The following ZDHHC18 variants were observed in gnomAD, a reference collection of about 807,000 sequenced individuals.
The protein encoded by ZDHHC18 is zDHHC palmitoyltransferase 18, also known as palmitoyltransferase ZDHHC18.
In ZDHHC18, 23 loss-of-function variants were observed where a neutral mutation model predicts 37.5. The ratio of observed to expected loss-of-function variants is 0.61; its 90% confidence interval spans 0.44 to 0.87. The LOEUF (loss-of-function observed/expected upper bound fraction) is 0.87, where lower values mean the gene tolerates loss of function less well. Ranked by LOEUF, ZDHHC18 falls within the 40% of genes least tolerant of loss-of-function variation. The pLI is 0.00. For synonymous variants in ZDHHC18, 185 were observed against 218.7 expected (o/e 0.85, Z 1.36); for missense variants, 406 against 525.6 (o/e 0.77, Z 2.22).
chr1:26,851,001 C>A, intron 5 of ZDHHC18, 128 bp from the exon 6 acceptor site: 1 of 861,052 alleles, frequency 1.2e-6, no homozygotes, highest in Non-Finnish European at 1.9e-6. Flanking sequence ...GGGGACTGGG[C>A]CACAGGAAGG....
At position 26,826,905 on chromosome 1, in the gene ZDHHC18, G is replaced by A. The variant is rs1374415677; in HGVS notation, c.101G>A (p.Gly34Asp). 8 of 986,472 alleles carry A rather than the reference G, an allele frequency of 8.1e-6. No homozygotes were observed. The highest frequency in any genetic ancestry group is 6.3e-5 in the Admixed American group (1 of 15,896). 61.1% of individuals were successfully genotyped at this position (986,472 alleles called of 1,614,324 possible). ...RPGPAASPTP[G>D]PGPAPPAAPA... ...GGCCCCGCCGCGTCCCCGACTCCGGGCCCCGGGCCCGCGCCGCCCGCCGCC... is the reference window on the plus strand; with the variant it reads ...GGCCCCGCCGCGTCCCCGACTCCGGACCCCGGGCCCGCGCCGCCCGCCGCC... Residue 34 changes from glycine (G) to aspartate (D), a missense_variant, in exon 1 of 8, where the codon GGC becomes GAC. Gly to Asp is a moderately conservative substitution (Grantham distance 94). Coordinates refer to ENST00000374142, the MANE Select transcript of ZDHHC18 (RefSeq NM_032283.3). This position sits in a 1 kb window ranked among gnomAD's most constrained non-coding sequence, Gnocchi z 5.2.
At chr1:26,839,380 ATT>A (rs1319182127) in intron 2 of ZDHHC18, among the ~76,000 whole-genome samples, 1 of 152,112 alleles carries the variant, frequency 6.6e-6, no homozygotes, top group East Asian at 1.9e-4. Context: ...TACAACAAAT[ATT>A]TTTTGAACAT....
intron 1 of ZDHHC18, among the ~76,000 whole-genome samples, 198 bp downstream of exon 1, chr1:26,827,337 C>T (rs1557638600): frequency 6.6e-6 from 1 of 150,780 alleles, no homozygotes; most frequent in Non-Finnish European, 1.5e-5. Flanking sequence ...CCCCATCCTC[C>T]TTGGTCCATT....
At chr1:26,831,537 T>C (rs2081588834) in intron 1 of ZDHHC18, among the ~76,000 whole-genome samples, 1 of 152,126 alleles carries the variant, frequency 6.6e-6, no homozygotes, top group Admixed American at 6.5e-5. Context: ...ACAGAGAGGA[T>C]TGGCCATAGA....
intron 6 of ZDHHC18, among the ~76,000 whole-genome samples, chr1:26,851,886 A>G (rs551771812): frequency 6.6e-6 from 1 of 152,306 alleles, no homozygotes; most frequent in Non-Finnish European, 1.5e-5. Flanking sequence ...ATCAACAAGC[A>G]TGTTTGATGT....
At chr1:26,840,567 G>A (rs950373666) in intron 2 of ZDHHC18, among the ~76,000 whole-genome samples, 2 of 150,126 alleles carry the variant, frequency 1.3e-5, no homozygotes, top group Admixed American at 1.3e-4. Flanking sequence ...TCAGCCTCCC[G>A]AGTAGCTGGG....
At chr1:26,831,020 T>G (rs1036326001) in intron 1 of ZDHHC18, among the ~76,000 whole-genome samples, 1 of 152,136 alleles carries the variant, frequency 6.6e-6, no homozygotes, top group Non-Finnish European at 1.5e-5. Context: ...TGACCTCAGG[T>G]ATCCGCCCAC....
intron 2 of ZDHHC18, among the ~76,000 whole-genome samples, chr1:26,834,591 C>T (rs2081602951): frequency 1.3e-5 from 2 of 152,172 alleles, no homozygotes. Flanking sequence ...TGTGCTGCAA[C>T]GGTGGTCATT....
chr1:26,850,655 C>T lies in ZDHHC18; in HGVS notation c.833+49C>T. 6.2e-7 allele frequency: 1 copy of T among 1,606,796 alleles called. No individual in the cohort carries two copies. Among genetic ancestry groups the T allele is most frequent in the Non-Finnish European group, 8.5e-7 (1 of 1,174,644 alleles). ...ACTCCAGTGGGAACTGAGGTCCCTT[C>T]ACTGGGTGGGTGCCCTGCCTCATCC... On this transcript the variant is annotated intron_variant, in intron 5 of 7. Coordinates refer to ENST00000374142, the MANE Select transcript of ZDHHC18 (RefSeq NM_032283.3). This position sits in a 1 kb window ranked among gnomAD's most constrained non-coding sequence, Gnocchi z 6.1.
intron 2 of ZDHHC18, among the ~76,000 whole-genome samples, chr1:26,845,548 G>C (rs1186449536): frequency 6.6e-6 from 1 of 151,208 alleles, no homozygotes; most frequent in African/African-American, 2.4e-5. Context: ...GGCCAGGCTG[G>C]TATCGAACTC....
intron 2 of ZDHHC18, among the ~76,000 whole-genome samples, chr1:26,847,905 T>C (rs1444904752): frequency 2.0e-5 from 3 of 152,206 alleles, no homozygotes; most frequent in Non-Finnish European, 4.4e-5. Context: ...AGCAGTCTTG[T>C]AAATGTCTCA....
Position 26,850,265 on chromosome 1 carries a change from GC to G in ZDHHC18, c.647-33del, listed in dbSNP as rs35205652. On this transcript the variant is annotated intron_variant, in intron 3 of 7. Transcript: ENST00000374142. This position sits in a 1 kb window ranked among gnomAD's most constrained non-coding sequence, Gnocchi z 6.1. ...AAATGCCTGTGCTGGCTGCAGGCCA[GC>G]CCACACTAACCCATCGCCCCTTGCC... 112 of 1,608,436 alleles carry G rather than the reference GC, an allele frequency of 7.0e-5. No homozygotes were observed. Among genetic ancestry groups the G allele is most frequent in the Middle Eastern group, 3.6e-4 (2 of 5,600 alleles).
chr1:26,838,386 T>C (rs933691770), intron 2 of ZDHHC18, among the ~76,000 whole-genome samples: 5 of 152,118 alleles, frequency 3.3e-5, no homozygotes, highest in South Asian at 2.1e-4. Flanking sequence ...CAAGCAGTCC[T>C]CCAGCCTTAC....
intron 6 of ZDHHC18, 135 bp downstream of exon 6, chr1:26,851,366 C>T (rs1364225923): frequency 2.5e-6 from 2 of 788,466 alleles, no homozygotes; most frequent in African/African-American, 1.7e-5. Flanking sequence ...CAGCCAGATG[C>T]CTCCCAGTCA....
intron 2 of ZDHHC18, among the ~76,000 whole-genome samples, chr1:26,846,788 A>G (rs1196973560): frequency 6.6e-6 from 1 of 152,232 alleles, no homozygotes; most frequent in Non-Finnish European, 1.5e-5. Context: ...AATTATAGAC[A>G]TCATAGATAC....
intron 2 of ZDHHC18, among the ~76,000 whole-genome samples, chr1:26,842,449 G>T (rs2081644042): frequency 6.6e-6 from 1 of 152,226 alleles, no homozygotes; most frequent in South Asian, 2.1e-4. Context: ...TTTAGCAAAT[G>T]ATATCATCAG....
rs1234971815 is a variant in ZDHHC18 at position 26,826,731 on chromosome 1, T to G, written c.-74T>G. The G allele has an allele frequency of 2.6e-6, 2 of 765,888 alleles. No individual in the cohort carries two copies. Among genetic ancestry groups the G allele is most frequent in the African/African-American group, 1.9e-5 (1 of 52,392 alleles). 47.4% of individuals were successfully genotyped at this position (765,888 alleles called of 1,614,324 possible). On this transcript the variant is annotated 5_prime_UTR_variant, in exon 1 of 8. Transcript: ENST00000374142. The surrounding 1 kb of genome is among the most constrained non-coding windows in gnomAD (Gnocchi z 5.2). Reference sequence around the variant, plus strand: ...CGCCGCGCGCGCCGCCGCTGCCACCTCCGCTGCTCGGCCCGGTCCCGGAGT... The same window carrying G: ...CGCCGCGCGCGCCGCCGCTGCCACCGCCGCTGCTCGGCCCGGTCCCGGAGT...
At chr1:26,834,686 C>T (rs983195648) in intron 2 of ZDHHC18, among the ~76,000 whole-genome samples, 1 of 152,140 alleles carries the variant, frequency 6.6e-6, no homozygotes, top group South Asian at 2.1e-4. Flanking sequence ...GGCTCAGTGA[C>T]GTTGGCTAAA....
At chr1:26,841,271 G>C (rs548279406) in intron 2 of ZDHHC18, among the ~76,000 whole-genome samples, 2 of 152,086 alleles carry the variant, frequency 1.3e-5, no homozygotes, top group Non-Finnish European at 2.9e-5. Context: ...AAGCCACCAC[G>C]CCCAGCCCAC....
Sources: allele counts gnomAD v4.1 joint callset (sites outside exome capture counted in the v4.1 genomes callset), GRCh38; gene constraint gnomAD v4.1.1; non-coding constraint Gnocchi (gnomAD v3.1); transcripts MANE v1.5; gene names NCBI Gene and HGNC (gene_info 2026-07-23, HGNC 2026-07-21).